IL1RAP: variants seen among roughly 807,000 people sequenced by gnomAD.
IL1RAP encodes interleukin-1 receptor accessory protein.
Under a neutral mutation model 60.7 loss-of-function variants are expected in IL1RAP, and 35 were observed. That is an observed-to-expected ratio of 0.58 (90% CI 0.44 to 0.76). IL1RAP has a LOEUF of 0.76. Among genes scored for constraint, IL1RAP ranks in the 30% least tolerant of loss-of-function variants. The probability of loss-of-function intolerance (pLI) is 0.00; values close to 1 mark genes in which losing one functional copy is unlikely to be tolerated. For missense variants in IL1RAP, 572 were observed against 693.9 expected, an observed-to-expected ratio of 0.82 and a Z score of 1.97; for synonymous variants, 268 against 250.9, an observed-to-expected ratio of 1.07 and a Z score of -0.64.
In IL1RAP at chr3:190,609,705, C is replaced by T. The variant is rs527830150; in HGVS notation, c.537+524C>T. 8.3e-4 allele frequency among the ~76,000 whole-genome samples: 127 copies of T among 152,334 alleles called. 2 individuals carry two copies. The South Asian group carries it at 0.012, about 14-fold the overall frequency. ...TAGCAGCAGCATAGCTTTTGTATCA[C>T]TTCAAGTCTCCACATACACCAAAGC... On this transcript the variant is annotated intron_variant, in intron 5 of 11. Transcript: ENST00000447382.
At position 190,623,344 on chromosome 3, in the gene IL1RAP, G is replaced by A; in HGVS notation, c.704G>A (p.Gly235Asp). 1.2e-6 allele frequency: 2 copies of A among 1,611,494 alleles called. No individual in the cohort carries two copies. Among genetic ancestry groups the A allele is most frequent in the Non-Finnish European group, 8.5e-7 (1 of 1,177,992 alleles). Reference sequence around the variant, plus strand: ...CCCTTTTTTATTTCCTCTAACACAGGCTCTCCAAAAAATGCAGTGCCCCCT... The same window carrying A: ...CCCTTTTTTATTTCCTCTAACACAGACTCTCCAAAAAATGCAGTGCCCCCT... ...LTRTLTVKVV[G>D]SPKNAVPPVI... Residue 235 changes from glycine to aspartate, a missense_variant and splice_region_variant, in exon 7 of 12, where the codon GGC (glycine) becomes GAC (aspartate). By Grantham distance (94) the Gly-to-Asp change is moderately conservative. Transcript: ENST00000447382.
At chr3:190,595,857 G>A (rs1729336554) in intron 3 of IL1RAP, among the ~76,000 whole-genome samples, 1 of 152,100 alleles carries the variant, frequency 6.6e-6, no homozygotes, top group Admixed American at 6.6e-5. Flanking sequence ...TATGACAATT[G>A]GTTGATTTCA....
At chr3:190,619,030 G>A (rs1413567956) in intron 5 of IL1RAP, among the ~76,000 whole-genome samples, 4 of 152,148 alleles carry the variant, frequency 2.6e-5, no homozygotes, top group Admixed American at 2.6e-4. Context: ...AAAAAAAATT[G>A]AAGTTACAAG....
intron 3 of IL1RAP, among the ~76,000 whole-genome samples, chr3:190,591,238 C>T (rs1055853911): frequency 2.0e-5 from 3 of 152,220 alleles, no homozygotes; most frequent in Non-Finnish European, 4.4e-5. Context: ...AGTGTTGCCT[C>T]ATTTAATCTT....
chr3:190,651,349 T>A lies in IL1RAP; in HGVS notation c.*2644T>A. 2 of 892,284 alleles carry A rather than the reference T, an allele frequency of 2.2e-6. No homozygotes were observed. Among genetic ancestry groups the A allele is most frequent in the Non-Finnish European group, 2.7e-6 (2 of 745,056 alleles). The allele number at this position is 892,284 out of a possible 1,614,324, so 55.3% of individuals were successfully genotyped here. On this transcript the variant is annotated 3_prime_UTR_variant, in exon 12 of 12. Transcript: ENST00000447382. Reference sequence around the variant, plus strand: ...CTAATAAAAAATCACTTCATTGTATTTGGAAACAAAAACATCATTCATTAA... The same window carrying A: ...CTAATAAAAAATCACTTCATTGTATATGGAAACAAAAACATCATTCATTAA...
At chr3:190,633,059 T>C (rs1732921085) in intron 9 of IL1RAP, among the ~76,000 whole-genome samples, 1 of 129,948 alleles carries the variant, frequency 7.7e-6, no homozygotes, top group Non-Finnish European at 1.7e-5. Flanking sequence ...TGAAGATTGA[T>C]TCAACTATTT....
downstream of IL1RAP, among the ~76,000 whole-genome samples, chr3:190,651,868 A>G (rs985523417): frequency 6.6e-6 from 1 of 152,144 alleles, no homozygotes; most frequent in Non-Finnish European, 1.5e-5. Context: ...GAGACAGAGA[A>G]AAAGGAGAGA....
At chr3:190,581,803 G>T (rs746788691) in intron 3 of IL1RAP, among the ~76,000 whole-genome samples, 1 of 152,164 alleles carries the variant, frequency 6.6e-6, no homozygotes, top group African/African-American at 2.4e-5. Flanking sequence ...CCATGAGCCA[G>T]GTATTTGATA....
At chr3:190,584,778 G>A (rs941055987) in intron 3 of IL1RAP, among the ~76,000 whole-genome samples, 1 of 152,058 alleles carries the variant, frequency 6.6e-6, no homozygotes, top group Admixed American at 6.6e-5. Flanking sequence ...TTTGTGGCTT[G>A]TCTTTGCTAA....
intron 1 of IL1RAP, among the ~76,000 whole-genome samples, chr3:190,530,633 G>T (rs1722904196): frequency 6.6e-6 from 1 of 152,210 alleles, no homozygotes; most frequent in African/African-American, 2.4e-5. Context: ...AGTAGGTGAA[G>T]AACAAGGAGA....
chr3:190,544,132 G>A (rs1229616726), intron 1 of IL1RAP, among the ~76,000 whole-genome samples: 1 of 152,018 alleles, frequency 6.6e-6, no homozygotes, highest in South Asian at 2.1e-4. Context: ...GAAAATAATA[G>A]CCCTTTTAAT....
rs747058734 is a variant in IL1RAP, at chr3:190,627,318, T to C, written c.776-5T>C. 16 of 1,574,584 alleles carry C rather than the reference T, an allele frequency of 1.0e-5. No homozygotes were observed. The African/African-American group carries it at 2.1e-4, about 20-fold the overall frequency. On this transcript the variant is annotated splice_polypyrimidine_tract_variant and splice_region_variant and intron_variant, in intron 7 of 11. Transcript: ENST00000447382. ...TTTTTTTGTTTTTTTGGTTTTTTTT[T>C]TCAGGAGAGGAGCTACTCATTCCCT...
At chr3:190,600,777 C>T (rs1288269397) in intron 3 of IL1RAP, among the ~76,000 whole-genome samples, 2 of 152,262 alleles carry the variant, frequency 1.3e-5, no homozygotes, top group East Asian at 3.9e-4. Flanking sequence ...GCACTAATGA[C>T]TCTTTATCTT....
At chr3:190,615,365 CCTTTTGTTGTTG>C in intron 5 of IL1RAP, 2 of 1,144,644 alleles carry the variant, frequency 1.7e-6, no homozygotes, top group Non-Finnish European at 2.3e-6. Flanking sequence ...GTAATGCAGT[CCTTTTGTTGTTG>C]CTTTTGTTAC....
intron 6 of IL1RAP, among the ~76,000 whole-genome samples, chr3:190,621,319 TACAA>T (rs1432994321): frequency 2.0e-5 from 3 of 152,230 alleles, no homozygotes; most frequent in Non-Finnish European, 4.4e-5. Context: ...ATAAGTTAGC[TACAA>T]ACAGCCTTTC....
At position 190,623,415 on chromosome 3, in the gene IL1RAP, G is replaced by C; in HGVS notation, c.775G>C (p.Gly259Arg). The C allele has an allele frequency of 6.2e-7, 1 of 1,600,512 alleles. No individual in the cohort carries two copies. Among genetic ancestry groups the C allele is most frequent in the Non-Finnish European group, 8.6e-7 (1 of 1,167,862 alleles). Residue 259 changes from glycine to arginine, a missense_variant and splice_region_variant, in exon 7 of 12, where the codon GGA becomes CGA. By Grantham distance (125) the Gly-to-Arg change is moderately radical (BLOSUM62 -2). Coordinates refer to ENST00000447382, the MANE Select transcript of IL1RAP (RefSeq NM_002182.4). ...NDHVVYEKEP[G>R]EELLIPCTVY... ...TCATGTGGTCTATGAGAAAGAACCA[G>C]GTAATTACAGCTATGTCTCTGAATT...
chr3:190,564,942 A>T (rs1164797530), intron 3 of IL1RAP, among the ~76,000 whole-genome samples: 1 of 152,156 alleles, frequency 6.6e-6, no homozygotes, highest in African/African-American at 2.4e-5. Context: ...GAGACTTGCT[A>T]TTTGAAAGTC....
Position 190,650,764 on chromosome 3 carries a change from T to C in IL1RAP, c.*2059T>C. On this transcript the variant is annotated 3_prime_UTR_variant, in exon 12 of 12. Coordinates refer to ENST00000447382, the MANE Select transcript of IL1RAP (RefSeq NM_002182.4). Reference sequence around the variant, plus strand: ...TTAGAAACCACAATTACTCCCTCTATTAACCCTTCACTTACTAGACCAGAA... The same window carrying C: ...TTAGAAACCACAATTACTCCCTCTACTAACCCTTCACTTACTAGACCAGAA... The C allele has an allele frequency of 1.0e-6, 1 of 982,624 alleles. No homozygotes were observed. Among genetic ancestry groups the C allele is most frequent in the Non-Finnish European group, 1.2e-6 (1 of 827,346 alleles). The allele number at this position is 982,624 out of a possible 1,614,324, so 60.9% of individuals were successfully genotyped here. A position where few individuals can be genotyped will look rare whatever the true frequency, so the allele number is the denominator to read the frequency against.
At chr3:190,641,002 G>A (rs1361115010) in intron 9 of IL1RAP, among the ~76,000 whole-genome samples, 4 of 151,992 alleles carry the variant, frequency 2.6e-5, no homozygotes, top group African/African-American at 7.3e-5. Flanking sequence ...TTTTGCTCTT[G>A]TTGCCAAGGC....
Sources: gnomAD v4.1 joint callset for allele counts (sites outside exome capture counted in the v4.1 genomes callset) on GRCh38, gnomAD v4.1.1 for gene constraint, MANE v1.5 for transcripts, NCBI Gene and HGNC (gene_info 2026-07-23, HGNC 2026-07-21) for gene names.